PCLO: variants seen among roughly 807,000 people sequenced by gnomAD.
PCLO encodes protein piccolo.
PCLO carries 82 observed loss-of-function variants against 427.5 expected under a neutral mutation model. The observed-to-expected ratio is 0.19, with a 90% CI of 0.16 to 0.23. The LOEUF (loss-of-function observed/expected upper bound fraction) is 0.23. Among genes scored for constraint, PCLO ranks in the 10% least tolerant of loss-of-function variants. The pLI, the probability that PCLO is intolerant of heterozygous loss-of-function variation, is 1.00. For synonymous variants in PCLO, 2,357 were observed against 2,155.4 expected (o/e 1.09, Z -2.59); for missense variants, 6,239 against 6,115.9 (o/e 1.02, Z -0.67).
rs1448517638 is a variant in PCLO, at chr7:82,949,981, G to T, written c.10607C>A (p.Thr3536Lys). 2 of 1,613,302 alleles carry T rather than the reference G, an allele frequency of 1.2e-6. No individual in the cohort carries two copies. Among genetic ancestry groups the T allele is most frequent in the Non-Finnish European group, 1.7e-6 (2 of 1,179,796 alleles). Reference sequence around the variant, plus strand: ...ATCCACTCGTGCCCGTATGGAGGGTGTTCTTATGGTTCCAACTGGTTCAGT... The same window carrying T: ...ATCCACTCGTGCCCGTATGGAGGGTTTTCTTATGGTTCCAACTGGTTCAGT... ...VQTEPVGTIR[T>K]PSIRARVDAK... The change falls in exon 6 of 25, where the codon ACA becomes AAA. Residue 3536 changes from threonine to lysine, a missense_variant. Physicochemically the swap from Thr to Lys is moderately conservative, Grantham distance 78. Transcript: ENST00000333891.
At position 82,955,939 on chromosome 7, in the gene PCLO, G is replaced by A. The variant is rs202123220; in HGVS notation, c.5014C>T (p.Leu1672Phe). 6.2e-7 allele frequency: 1 copy of A among 1,613,668 alleles called. No individual in the cohort carries two copies. The highest frequency in any genetic ancestry group is 1.1e-5 in the South Asian group (1 of 91,090). Reference protein sequence around the residue: ...GGLRRFKTIELNSTIADKYSA... With the variant: ...GGLRRFKTIEFNSTIADKYSA... ...TATTTATCTGCTATTGTACTGTTGA[G>A]CTCAATTGTTTTAAATCGGCGTAGC... The change falls in exon 5 of 25, where the codon CTC (leucine) becomes TTC (phenylalanine). Residue 1672 changes from leucine to phenylalanine, a missense_variant. Around this residue, in one of 5 missense-constraint regions of PCLO, gnomAD observed 4,677 missense variants for 4,468.4 expected, o/e 1.05. Transcript: ENST00000333891.
rs148522785 is a variant in PCLO at position 83,149,963 on chromosome 7, C to CAA, written c.1893+4783_1893+4784dup. Among the ~76,000 whole-genome samples, 340 of 151,780 alleles carry CAA rather than the reference C, an allele frequency of 2.2e-3. 5 individuals carry two copies. In the East Asian group the frequency reaches 0.036, roughly 16 times the overall value. ...GTTAGACAAAATATCTGGCTTCTGC[C>CAA]AAAAGACTTATATATGTGCCATAAT... On this transcript the variant is annotated intron_variant, in intron 2 of 24. Transcript: ENST00000333891.
chr7:82,848,577 C>T (rs1792567930), intron 10 of PCLO, among the ~76,000 whole-genome samples: 1 of 152,018 alleles, frequency 6.6e-6, no homozygotes, highest in South Asian at 2.1e-4. Flanking sequence ...TCCCAAAGTG[C>T]TGGGATTATA....
chr7:83,093,483 T>TATATAC (rs1790437091), intron 3 of PCLO, among the ~76,000 whole-genome samples: 2 of 101,742 alleles, frequency 2.0e-5, no homozygotes, highest in African/African-American at 9.4e-5. Context: ...TATAGATATA[T>TATATAC]ATATATATAT....
chr7:82,892,444 G>A (rs955329790), intron 9 of PCLO, among the ~76,000 whole-genome samples: 4 of 152,052 alleles, frequency 2.6e-5, no homozygotes, highest in African/African-American at 7.2e-5. Flanking sequence ...GATTAAAGAC[G>A]TGCATGTTAG....
chr7:82,908,729 T>C, intron 8 of PCLO, 148 bp downstream of exon 8: 1 of 659,126 alleles, frequency 1.5e-6, no homozygotes, highest in Non-Finnish European at 2.6e-6. Flanking sequence ...TGAAGTGAGC[T>C]GTGTTACTCC....
At chr7:82,824,041 C>G (rs1200948198) in intron 19 of PCLO, among the ~76,000 whole-genome samples, 195 bp downstream of exon 19, 1 of 152,136 alleles carries the variant, frequency 6.6e-6, no homozygotes, top group Non-Finnish European at 1.5e-5. Flanking sequence ...CAAAGTACTA[C>G]ACCTAAGTAT....
intron 3 of PCLO, among the ~76,000 whole-genome samples, chr7:82,987,686 T>G (rs1160899451): frequency 1.3e-5 from 2 of 152,130 alleles, no homozygotes; most frequent in Non-Finnish European, 1.5e-5. Context: ...AAAATCCTAA[T>G]TCAAAGAACT....
chr7:83,063,413 T>C (rs891156321), intron 3 of PCLO, among the ~76,000 whole-genome samples: 2 of 152,106 alleles, frequency 1.3e-5, no homozygotes, highest in African/African-American at 4.8e-5. Context: ...AATGGTGCCA[T>C]ATGCATTCAA....
intron 6 of PCLO, among the ~76,000 whole-genome samples, chr7:82,923,449 C>T (rs964834855): frequency 2.6e-5 from 4 of 151,968 alleles, no homozygotes; most frequent in African/African-American, 7.2e-5. Context: ...TCTTCTTTAA[C>T]TGATGGAACA....
chr7:82,811,840 T>G (rs1457723533), intron 20 of PCLO, among the ~76,000 whole-genome samples: 1 of 151,444 alleles, frequency 6.6e-6, no homozygotes, highest in Non-Finnish European at 1.5e-5. Context: ...TGTAAGTCGT[T>G]AGGCATGGAA....
rs7780833 is a variant in PCLO, at chr7:82,903,317, T to C, written c.13438-576A>G. Among the ~76,000 whole-genome samples the C allele has an allele frequency of 5.8e-3, 882 of 152,044 alleles. 12 individuals are homozygous for C. The highest frequency in any genetic ancestry group is 0.02 in the African/African-American group (832 of 41,498). On this transcript the variant is annotated intron_variant, in intron 8 of 24. Transcript: ENST00000333891. ...AAACTAGACGCAGAGACTAATTCTA[T>C]ATAAATAAATAAAGATTTTGTTCAC...
At chr7:82,793,773 T>C (rs981038509) in intron 22 of PCLO, among the ~76,000 whole-genome samples, 4 of 152,228 alleles carry the variant, frequency 2.6e-5, no homozygotes, top group African/African-American at 9.6e-5. Flanking sequence ...CTTTAGATTC[T>C]CCTTATCTCA....
chr7:83,132,267 A>G (rs1371468000), intron 3 of PCLO, among the ~76,000 whole-genome samples: 3 of 152,088 alleles, frequency 2.0e-5, no homozygotes, highest in African/African-American at 4.8e-5. Flanking sequence ...CTAATCTTCC[A>G]AATTCAAAGA....
In PCLO at chr7:82,952,253, G is replaced by A. The variant is rs1447622436; in HGVS notation, c.8700C>T (p.Leu2900=). 1 of 1,613,854 alleles carries A rather than the reference G, an allele frequency of 6.2e-7. No homozygotes were observed. Among genetic ancestry groups the A allele is most frequent in the Non-Finnish European group, 8.5e-7 (1 of 1,179,846 alleles). ...QGITDGEVVD[L]STTKSHRTVV... The stretch of plus-strand genomic sequence containing the variant: ...CTGTTCTGTGAGACTTGGTTGTACT[G>A]AGATCCACTACTTCCCCATCAGTGA... The change falls in exon 5 of 25, where the codon CTC becomes CTT. Residue 2900 remains leucine, a synonymous_variant. Transcript: ENST00000333891.
intron 22 of PCLO, among the ~76,000 whole-genome samples, chr7:82,779,369 C>G (rs1258229016): frequency 1.3e-5 from 2 of 152,038 alleles, no homozygotes; most frequent in African/African-American, 4.8e-5. Flanking sequence ...TTCAACCTTT[C>G]TGTGAGATCC....
intron 3 of PCLO, among the ~76,000 whole-genome samples, chr7:82,983,344 A>G (rs1796189485): frequency 6.6e-6 from 1 of 151,072 alleles, no homozygotes; most frequent in African/African-American, 2.4e-5. Flanking sequence ...ACAATTAACC[A>G]ATGTGTAAGG....
Position 82,841,545 on chromosome 7 carries a change from T to C in PCLO, c.14047-36A>G, listed in dbSNP as rs572444287. The C allele has an allele frequency of 1.5e-4, 187 of 1,238,410 alleles. No individual in the cohort carries two copies. The South Asian group carries it at 2.2e-3, about 15-fold the overall frequency. 76.7% of individuals were successfully genotyped at this position (1,238,410 alleles called of 1,614,324 possible). Reference sequence around the variant, plus strand: ...AAAGAACATATATTACATTAATAGATACATTTTTCACATAATTTATCATTT... The same window carrying C: ...AAAGAACATATATTACATTAATAGACACATTTTTCACATAATTTATCATTT... On this transcript the variant is annotated intron_variant, in intron 13 of 24. Transcript: ENST00000333891.
Position 82,879,467 on chromosome 7 carries a change from A to AT in PCLO, c.13529-6dup. The AT allele has an allele frequency of 6.3e-7, 1 of 1,575,792 alleles. No individual in the cohort carries two copies. The highest frequency in any genetic ancestry group is 8.7e-7 in the Non-Finnish European group (1 of 1,153,170). ...TTCTAATTCCTAATCCATTACCTGT[A>AT]TTAAACAATTAGCAAATTATTAGTA... On this transcript the variant is annotated splice_polypyrimidine_tract_variant and splice_region_variant and intron_variant, in intron 9 of 24. Transcript: ENST00000333891.
Sources: gnomAD v4.1 joint callset for allele counts (sites outside exome capture counted in the v4.1 genomes callset) on GRCh38, gnomAD v4.1.1 for gene constraint, gnomAD v4.1.1 regional missense constraint, MANE v1.5 for transcripts, NCBI Gene and HGNC (gene_info 2026-07-23, HGNC 2026-07-21) for gene names.